The following MACROD2 variants were observed in gnomAD, a reference collection of about 807,000 sequenced individuals.
MACROD2 encodes mono-ADP ribosylhydrolase 2.
A neutral mutation model predicts 70.4 loss-of-function variants in MACROD2; 36 were observed. The observed-to-expected ratio is 0.51, with a 90% CI of 0.39 to 0.68. The LOEUF (loss-of-function observed/expected upper bound fraction) is 0.68, where lower values mean the gene tolerates loss of function less well. MACROD2 is among the 30% of genes least tolerant of loss of function. The pLI is 0.00. For missense variants in MACROD2, 496 were observed against 538.4 expected, an observed-to-expected ratio of 0.92 and a Z score of 0.78; for synonymous variants, 172 against 178.8, an observed-to-expected ratio of 0.96 and a Z score of 0.30.
intron 4 of MACROD2, among the ~76,000 whole-genome samples, chr20:14,587,984 A>C (rs1981497440): frequency 1.3e-5 from 2 of 152,090 alleles, no homozygotes; most frequent in Admixed American, 1.3e-4. Context: ...GTAAGGGAAA[A>C]GGACCATACT....
intron 5 of MACROD2, among the ~76,000 whole-genome samples, chr20:15,130,845 G>C (rs928416666): frequency 3.3e-5 from 5 of 152,062 alleles, no homozygotes; most frequent in Non-Finnish European, 7.4e-5. Context: ...AGGTACTCCT[G>C]ATGGAAGTAG....
intron 3 of MACROD2, among the ~76,000 whole-genome samples, chr20:14,171,411 T>C (rs997981756): frequency 1.4e-4 from 21 of 152,226 alleles, no homozygotes; most frequent in Non-Finnish European, 2.6e-4. Flanking sequence ...CTTGTTTCTC[T>C]AGTTCCTTGA....
chr20:15,199,420 AG>A (rs1371390576), intron 5 of MACROD2, among the ~76,000 whole-genome samples: 1 of 152,166 alleles, frequency 6.6e-6, no homozygotes, highest in African/African-American at 2.4e-5. Context: ...GTGTGACTCC[AG>A]GTGACTTATT....
chr20:15,445,466 G>A (rs2046551214), intron 7 of MACROD2, among the ~76,000 whole-genome samples: 1 of 152,144 alleles, frequency 6.6e-6, no homozygotes, highest in Non-Finnish European at 1.5e-5. Flanking sequence ...ATAAGAGAGA[G>A]AGAGAGAGTA....
At chr20:15,655,150 A>ATG (rs569085805) in intron 8 of MACROD2, among the ~76,000 whole-genome samples, 18 of 151,676 alleles carry the variant, frequency 1.2e-4, no homozygotes, top group African/African-American at 3.4e-4. Flanking sequence ...GTGTGTATGT[A>ATG]TGTGTGTGTG....
chr20:15,423,460 C>G (rs2046256524), intron 6 of MACROD2, among the ~76,000 whole-genome samples: 1 of 152,086 alleles, frequency 6.6e-6, no homozygotes, highest in African/African-American at 2.4e-5. Context: ...TCAGCTCAGG[C>G]TGCTATAACA....
intron 3 of MACROD2, among the ~76,000 whole-genome samples, chr20:14,387,344 A>G (rs2083479774): frequency 1.3e-5 from 2 of 151,990 alleles, no homozygotes; most frequent in Admixed American, 6.5e-5. Context: ...GCAGTTGTCC[A>G]TTTGTTTAAC....
intron 8 of MACROD2, among the ~76,000 whole-genome samples, chr20:15,530,285 C>T (rs528083316): frequency 6.6e-6 from 1 of 152,046 alleles, no homozygotes; most frequent in Non-Finnish European, 1.5e-5. Context: ...ATTAAGTGAT[C>T]CCTTTGCAAA....
intron 8 of MACROD2, among the ~76,000 whole-genome samples, chr20:15,510,075 TAGA>T (rs1435410014): frequency 1.2e-4 from 19 of 152,360 alleles, no homozygotes; most frequent in African/African-American, 4.6e-4. Context: ...CCATTTAGTG[TAGA>T]AGGAGAGGCC....
chr20:15,897,548 T>TA (rs879359416), intron 10 of MACROD2, among the ~76,000 whole-genome samples: 8 of 152,170 alleles, frequency 5.3e-5, no homozygotes, highest in Non-Finnish European at 1.2e-4. Flanking sequence ...TTTTAACCCA[T>TA]ATCGCATTTT....
chr20:16,035,080 T>C (rs1211205837), intron 15 of MACROD2, among the ~76,000 whole-genome samples: 25 of 24,906 alleles, frequency 1.0e-3, no homozygotes, highest in Non-Finnish European at 4.5e-3. Context: ...TAAAATATAA[T>C]ATGTAATATA....
chr20:14,824,704 GT>G (rs2072883016), intron 5 of MACROD2, among the ~76,000 whole-genome samples: 1 of 152,002 alleles, frequency 6.6e-6, no homozygotes. Context: ...TACTTATCCA[GT>G]TTTTTGTTAA....
At chr20:15,367,029 G>T (rs1485260686) in intron 6 of MACROD2, among the ~76,000 whole-genome samples, 1 of 135,684 alleles carries the variant, frequency 7.4e-6, no homozygotes, top group African/African-American at 3.0e-5. Context: ...TAAAATTACT[G>T]ATTTTTTTTT....
intron 4 of MACROD2, among the ~76,000 whole-genome samples, chr20:14,656,929 T>C (rs537850074): frequency 1.3e-5 from 2 of 152,312 alleles, no homozygotes; most frequent in South Asian, 4.1e-4. Flanking sequence ...GAGTGTCTTC[T>C]AGTTAATAAA....
At chr20:14,520,839 CTACT>C (rs1278625110) in intron 4 of MACROD2, among the ~76,000 whole-genome samples, 1 of 152,124 alleles carries the variant, frequency 6.6e-6, no homozygotes, top group Non-Finnish European at 1.5e-5. Flanking sequence ...AGTCCCTGCT[CTACT>C]TACCTCCTCC....
At chr20:14,603,869 T>G (rs1982643660) in intron 4 of MACROD2, among the ~76,000 whole-genome samples, 1 of 152,156 alleles carries the variant, frequency 6.6e-6, no homozygotes, top group African/African-American at 2.4e-5. Flanking sequence ...CTCATATTAT[T>G]CATGCCTTCC....
chr20:14,585,367 G>A (rs958499974), intron 4 of MACROD2, among the ~76,000 whole-genome samples: 2 of 152,058 alleles, frequency 1.3e-5, no homozygotes, highest in Non-Finnish European at 2.9e-5. Context: ...CCCCATTTCC[G>A]AAGAGTTAAA....
At chr20:14,516,037 TATCTATTTTATATCTATAAA>T (rs1003466018) in intron 4 of MACROD2, among the ~76,000 whole-genome samples, 1 of 147,902 alleles carries the variant, frequency 6.8e-6, no homozygotes, top group Admixed American at 6.8e-5. Context: ...TACTTTATAG[TATCTATTTTATATCTATAAA>T]ATCATTATCT....
chr20:14,036,017 C>T (rs1026115199), intron 2 of MACROD2, among the ~76,000 whole-genome samples: 4 of 152,080 alleles, frequency 2.6e-5, no homozygotes, highest in Non-Finnish European at 5.9e-5. Flanking sequence ...TGGCGGGTGC[C>T]TGTAGTCCCA....
Sources: gnomAD v4.1 joint callset for allele counts (sites outside exome capture counted in the v4.1 genomes callset) on GRCh38, gnomAD v4.1.1 for gene constraint, MANE v1.5 for transcripts, NCBI Gene and HGNC (gene_info 2026-07-23, HGNC 2026-07-21) for gene names.